Variants in NEK1 observed in about 807,000 individuals in gnomAD.
NEK1 encodes serine/threonine-protein kinase Nek1.
Under a neutral mutation model 182.1 loss-of-function variants are expected in NEK1, and 137 were observed. That is an observed-to-expected ratio of 0.75 (90% CI 0.65 to 0.87). NEK1 has a LOEUF of 0.87. Among genes scored for constraint, NEK1 ranks in the 40% least tolerant of loss-of-function variants. The pLI is 0.00. For synonymous variants in NEK1, 513 were observed against 492.2 expected, an observed-to-expected ratio of 1.04 and a Z score of -0.56; for missense variants, 1,391 against 1,494.4, an observed-to-expected ratio of 0.93 and a Z score of 1.14.
At chr4:169,444,171 A>T (rs1740056316) in intron 27 of NEK1, among the ~76,000 whole-genome samples, 3 of 152,202 alleles carry the variant, frequency 2.0e-5, no homozygotes, top group Admixed American at 2.0e-4. Flanking sequence ...ATAGAAAATA[A>T]CCAAACTGCA....
At chr4:169,567,758 G>A (rs1211381222) in intron 12 of NEK1, among the ~76,000 whole-genome samples, 3 of 152,108 alleles carry the variant, frequency 2.0e-5, no homozygotes, top group Non-Finnish European at 4.4e-5. Flanking sequence ...AGTTCTCAAT[G>A]GTCTAGCTCA....
At chr4:169,479,627 A>G (rs530733383) in intron 23 of NEK1, 93 bp from the exon 24 acceptor site, 2 of 1,015,268 alleles carry the variant, frequency 2.0e-6, no homozygotes, top group African/African-American at 1.7e-5. Flanking sequence ...TATCCACTCT[A>G]TCCACAAGTA....
chr4:169,465,226 G>A (rs1579901491), intron 26 of NEK1, among the ~76,000 whole-genome samples: 1 of 152,076 alleles, frequency 6.6e-6, no homozygotes, highest in African/African-American at 2.4e-5. Context: ...GTCATTTGAT[G>A]TTTGACAAAT....
intron 19 of NEK1, among the ~76,000 whole-genome samples, chr4:169,526,114 A>C (rs1277310198): frequency 6.6e-6 from 1 of 152,220 alleles, no homozygotes; most frequent in African/African-American, 2.4e-5. Flanking sequence ...TGTGGCTTGA[A>C]GTCTTCTTGA....
At chr4:169,514,649 T>C (rs1009280328) in intron 19 of NEK1, among the ~76,000 whole-genome samples, 29 of 152,260 alleles carry the variant, frequency 1.9e-4, no homozygotes, top group Admixed American at 1.6e-3. Flanking sequence ...GTTGAATTTA[T>C]GAATGTAAAG....
intron 19 of NEK1, among the ~76,000 whole-genome samples, chr4:169,524,357 G>C (rs1000515804): frequency 3.3e-5 from 5 of 151,674 alleles, no homozygotes; most frequent in Admixed American, 3.3e-4. Flanking sequence ...CCAGCTACTT[G>C]GAAGGCTAAA....
intron 23 of NEK1, among the ~76,000 whole-genome samples, chr4:169,491,888 G>C (rs1217676518): frequency 6.6e-6 from 1 of 152,136 alleles, no homozygotes; most frequent in South Asian, 2.1e-4. Flanking sequence ...TAAAAGTCTA[G>C]AATATCTTCA....
At chr4:169,455,794 G>C (rs1742766756) in intron 27 of NEK1, among the ~76,000 whole-genome samples, 1 of 151,950 alleles carries the variant, frequency 6.6e-6, no homozygotes, top group South Asian at 2.1e-4. Flanking sequence ...AGCTCTGCAA[G>C]GAGCAGCAAA....
Position 169,555,852 on chromosome 4 carries a change from C to A in NEK1, c.1431-1G>T. On this transcript the variant is annotated splice_acceptor_variant, in intron 17 of 35. Transcript: ENST00000507142. LOFTEE classifies it high-confidence loss of function. ...TGGACGAACTCCAGGCAGAATTCCT[C>A]TGTAGATAAATATGCACAGTGACTT... 6.2e-7 allele frequency: 1 copy of A among 1,613,920 alleles called. No homozygotes were observed. The highest frequency in any genetic ancestry group is 1.1e-5 in the South Asian group (1 of 91,074).
At chr4:169,538,360 T>C (rs977505690) in intron 18 of NEK1, among the ~76,000 whole-genome samples, 1 of 152,140 alleles carries the variant, frequency 6.6e-6, no homozygotes, top group Non-Finnish European at 1.5e-5. Flanking sequence ...GTATGAATTT[T>C]CAAAAATACA....
intron 27 of NEK1, among the ~76,000 whole-genome samples, chr4:169,445,793 C>A (rs1013464532): frequency 4.0e-5 from 6 of 150,692 alleles, no homozygotes; most frequent in Admixed American, 6.6e-5. Context: ...ATGCGATATA[C>A]CCATGTAACA....
chr4:169,562,068 T>A, intron 13 of NEK1, 69 bp downstream of exon 13: 2 of 1,264,144 alleles, frequency 1.6e-6, no homozygotes, highest in South Asian at 1.4e-5. Flanking sequence ...GGCTTTATAG[T>A]AAGATTTTGT....
chr4:169,546,125 C>G (rs535546054), intron 18 of NEK1, among the ~76,000 whole-genome samples: 1 of 152,288 alleles, frequency 6.6e-6, no homozygotes, highest in East Asian at 1.9e-4. Context: ...GCATTTAGTG[C>G]TATAAATTTC....
At position 169,406,709 on chromosome 4, in the gene NEK1, C is replaced by G. The variant is rs369245437; in HGVS notation, c.3261G>C (p.Leu1087=). The change falls in exon 32 of 36, where the codon CTG becomes CTC. Residue 1087 remains leucine, a synonymous_variant. Transcript: ENST00000507142. ...RTCSLPDLSK[L]FRTLMDVPTV... Reference sequence around the variant, plus strand: ...TGGGAACATCCATAAGGGTTCTGAACAGCTTTGAGAGATCTGGAAGTGAAC... The same window carrying G: ...TGGGAACATCCATAAGGGTTCTGAAGAGCTTTGAGAGATCTGGAAGTGAAC... 1.2e-6 allele frequency: 2 copies of G among 1,608,124 alleles called. No individual in the cohort carries two copies. Among genetic ancestry groups the G allele is most frequent in the Non-Finnish European group, 1.7e-6 (2 of 1,177,680 alleles).
intron 19 of NEK1, among the ~76,000 whole-genome samples, chr4:169,528,007 C>T (rs567277009): frequency 5.8e-4 from 89 of 152,158 alleles, no homozygotes; most frequent in African/African-American, 2.0e-3. Context: ...ACAAACAGTA[C>T]ACGACAGAAG....
intron 19 of NEK1, among the ~76,000 whole-genome samples, chr4:169,534,487 C>T (rs1300046923): frequency 6.6e-6 from 1 of 152,136 alleles, no homozygotes; most frequent in Non-Finnish European, 1.5e-5. Flanking sequence ...GGGAAGGGTG[C>T]TCAAGATCTA....
chr4:169,455,741 C>T (rs899483444), intron 27 of NEK1, among the ~76,000 whole-genome samples: 5 of 152,140 alleles, frequency 3.3e-5, no homozygotes, highest in Admixed American at 6.5e-5. Flanking sequence ...AAACATCAGA[C>T]TTAGCTGACT....
At chr4:169,597,172 C>T (rs190785319) in intron 5 of NEK1, among the ~76,000 whole-genome samples, 1 of 152,288 alleles carries the variant, frequency 6.6e-6, no homozygotes, top group East Asian at 1.9e-4. Context: ...ATAAAAATAG[C>T]ATTGTATATA....
intron 27 of NEK1, among the ~76,000 whole-genome samples, chr4:169,439,664 A>G (rs189755326): frequency 7.6e-4 from 115 of 152,268 alleles, no homozygotes; most frequent in Non-Finnish European, 2.4e-4. Context: ...AATAATCAAA[A>G]TATAGGATAA....
Sources: allele counts gnomAD v4.1 joint callset (sites outside exome capture counted in the v4.1 genomes callset), GRCh38; gene constraint gnomAD v4.1.1; transcripts MANE v1.5; gene names NCBI Gene and HGNC (gene_info 2026-07-23, HGNC 2026-07-21).